Variants in P2RX7 observed in about 807,000 individuals in gnomAD.
P2RX7 encodes the protein P2X purinoceptor 7.
A neutral mutation model predicts 71.6 loss-of-function variants in P2RX7; 62 were observed. The ratio of observed to expected loss-of-function variants is 0.87; its 90% CI spans 0.71 to 1.07. P2RX7 has a LOEUF of 1.07. Among genes scored for constraint, P2RX7 ranks in the 50% least tolerant of loss-of-function variants. The pLI, the probability that P2RX7 is intolerant of heterozygous loss-of-function variation, is 0.00. For synonymous variants in P2RX7, 299 were observed against 283.3 expected (o/e 1.06, Z -0.56); for missense variants, 686 against 748.5 (o/e 0.92, Z 0.97).
In P2RX7 at chr12:121,154,286, G is replaced by C. The variant is rs1025852122; in HGVS notation, c.126-499G>C. Among the ~76,000 whole-genome samples the C allele has an allele frequency of 7.0e-6, 1 of 142,752 alleles. No homozygotes were observed. Among genetic ancestry groups the C allele is most frequent in the African/African-American group, 2.7e-5 (1 of 37,538 alleles). 93.7% of individuals were successfully genotyped at this position (142,752 alleles called of 152,430 possible). ...GTCTGGGCAACAAGAGCAAAACTCT[G>C]TTTCAAAAAAAAAAAAAGAGAGAGA... On this transcript the variant is annotated intron_variant, in intron 1 of 12. Transcript: ENST00000328963. This position sits in a 1 kb window ranked among gnomAD's most constrained non-coding sequence, Gnocchi z 4.2.
chr12:121,136,731 A>G (rs1265797214), intron 1 of P2RX7, among the ~76,000 whole-genome samples: 1 of 138,004 alleles, frequency 7.2e-6, no homozygotes, highest in Non-Finnish European at 1.5e-5. Context: ...ACTGCAACCT[A>G]TACCTCCCAG....
rs1204226842 is a variant in P2RX7 at position 121,187,779 on chromosome 12, G to A, written c.*2977G>A. 1 of 152,158 alleles carries A rather than the reference G, an allele frequency of 6.6e-6. No individual in the cohort carries two copies. The highest frequency in any genetic ancestry group is 1.5e-5 in the Non-Finnish European group (1 of 68,028). The allele number at this position is 152,158 out of a possible 1,614,324, so 9.4% of individuals were successfully genotyped here. A position where few individuals can be genotyped will look rare whatever the true frequency, so the allele number is the denominator to read the frequency against. ...CACCGCCAAAGGTGATGAGAGTCACGTTTTGTAGGATCTGTTTTCTTATAC... is the reference window on the plus strand; with the variant it reads ...CACCGCCAAAGGTGATGAGAGTCACATTTTGTAGGATCTGTTTTCTTATAC... On this transcript the variant is annotated 3_prime_UTR_variant, in exon 13 of 13. Coordinates refer to ENST00000328963, the MANE Select transcript of P2RX7 (RefSeq NM_002562.6).
chr12:121,164,791 T>A (rs1486945540), intron 5 of P2RX7, among the ~76,000 whole-genome samples: 1 of 150,670 alleles, frequency 6.6e-6, no homozygotes, highest in Admixed American at 6.6e-5. Context: ...CAGAAAAAAA[T>A]AAAAATAAAA....
intron 4 of P2RX7, among the ~76,000 whole-genome samples, chr12:121,161,804 A>AC (rs1483655340): frequency 6.6e-6 from 1 of 150,982 alleles, no homozygotes; most frequent in African/African-American, 2.4e-5. Context: ...AAAAAAAAAA[A>AC]GGCACAGGGC....
intron 1 of P2RX7, among the ~76,000 whole-genome samples, chr12:121,148,141 T>C (rs549192393): frequency 6.6e-6 from 1 of 152,240 alleles, no homozygotes; most frequent in Admixed American, 6.5e-5. Context: ...AAGAGATATC[T>C]AGAAGACACT....
At chr12:121,142,648 A>G (rs1374239310) in intron 1 of P2RX7, among the ~76,000 whole-genome samples, 1 of 152,116 alleles carries the variant, frequency 6.6e-6, no homozygotes, top group Non-Finnish European at 1.5e-5. Flanking sequence ...AGCCAAGGCC[A>G]GCATCTTCAG....
chr12:121,176,039 T>C (rs1883055915), intron 9 of P2RX7, among the ~76,000 whole-genome samples: 1 of 152,162 alleles, frequency 6.6e-6, no homozygotes, highest in Non-Finnish European at 1.5e-5. Flanking sequence ...AGAAAACACC[T>C]CTTTGCCAGA....
At chr12:121,169,397 C>T (rs996441466) in intron 8 of P2RX7, among the ~76,000 whole-genome samples, 16 of 152,084 alleles carry the variant, frequency 1.1e-4, no homozygotes, top group Admixed American at 5.9e-4. Context: ...CCTTTCATAC[C>T]GACCTATTAT....
intron 11 of P2RX7, among the ~76,000 whole-genome samples, chr12:121,179,995 C>T (rs1281339112): frequency 2.0e-5 from 3 of 151,766 alleles, no homozygotes; most frequent in Non-Finnish European, 4.4e-5. Flanking sequence ...ACTAAAAATA[C>T]AAAATTAGCT....
Position 121,154,661 on chromosome 12 carries a change from C to A in P2RX7, c.126-124C>A. Reference sequence around the variant, plus strand: ...CATTATCCAGAGAGGGAAAACAAGTCACACGGAAGCAAGTCACGCAGCAGA... The same window carrying A: ...CATTATCCAGAGAGGGAAAACAAGTAACACGGAAGCAAGTCACGCAGCAGA... On this transcript the variant is annotated intron_variant, in intron 1 of 12. Coordinates refer to ENST00000328963, the MANE Select transcript of P2RX7 (RefSeq NM_002562.6). The surrounding 1 kb of genome is among the most constrained non-coding windows in gnomAD (Gnocchi z 4.2). The A allele has an allele frequency of 1.4e-6, 1 of 729,082 alleles. No individual in the cohort carries two copies. The highest frequency in any genetic ancestry group is 1.5e-5 in the South Asian group (1 of 65,396). 45.2% of individuals were successfully genotyped at this position (729,082 alleles called of 1,614,324 possible).
chr12:121,167,730 C>A, intron 8 of P2RX7, 106 bp downstream of exon 8: 1 of 1,015,756 alleles, frequency 9.8e-7, no homozygotes, highest in Non-Finnish European at 1.4e-6. Flanking sequence ...TGAAAAAAGA[C>A]TTTCTCTAAG....
At chr12:121,143,594 A>G (rs1875483821) in intron 1 of P2RX7, among the ~76,000 whole-genome samples, 1 of 151,462 alleles carries the variant, frequency 6.6e-6, no homozygotes, top group East Asian at 1.9e-4. Flanking sequence ...TCACGTCTGT[A>G]ATCCCAGAAC....
chr12:121,140,472 C>T (rs1354771201), intron 1 of P2RX7, among the ~76,000 whole-genome samples: 1 of 152,162 alleles, frequency 6.6e-6, no homozygotes, highest in Non-Finnish European at 1.5e-5. Context: ...GAGAAGGTTC[C>T]TGGAGTCACC....
intron 1 of P2RX7, among the ~76,000 whole-genome samples, chr12:121,134,044 G>A (rs1012238631): frequency 1.2e-4 from 18 of 152,010 alleles, no homozygotes; most frequent in African/African-American, 3.1e-4. Context: ...TCCTTTTTAC[G>A]GCTGAGTAGT....
intron 8 of P2RX7, among the ~76,000 whole-genome samples, chr12:121,173,042 ACAC>A (rs1374280145): frequency 6.6e-6 from 1 of 152,154 alleles, no homozygotes; most frequent in African/African-American, 2.4e-5. Context: ...AAAACAAAAC[ACAC>A]CACTTTTCCT....
chr12:121,163,356 A>ACACACG (rs57694198), intron 5 of P2RX7, among the ~76,000 whole-genome samples: 31 of 92,096 alleles, frequency 3.4e-4, no homozygotes, highest in African/African-American at 1.0e-3. Context: ...ACACACACAC[A>ACACACG]CGCACACACA....
At chr12:121,167,817 A>ATT (rs879467840) in intron 8 of P2RX7, among the ~76,000 whole-genome samples, 193 bp downstream of exon 8, 25 of 136,876 alleles carry the variant, frequency 1.8e-4, no homozygotes, top group African/African-American at 7.6e-4. Context: ...TTTTTTACTT[A>ATT]TTTTTTTTTT....
chr12:121,163,613 A>G (rs951309156), intron 5 of P2RX7, among the ~76,000 whole-genome samples: 1 of 108,906 alleles, frequency 9.2e-6, no homozygotes, highest in Non-Finnish European at 1.9e-5. Flanking sequence ...AGATAGATAG[A>G]TAGATAGATA....
At position 121,184,823 on chromosome 12, in the gene P2RX7, G is replaced by A. The variant is rs201523425; in HGVS notation, c.*21G>A. The stretch of plus-strand genomic sequence containing the variant: ...ACTGAAGCCAGGCACCGTGGCTCAC[G>A]TCTGTAATCCCAGCGCTTTGGGAGG... On this transcript the variant is annotated 3_prime_UTR_variant, in exon 13 of 13. Coordinates refer to ENST00000328963, the MANE Select transcript of P2RX7 (RefSeq NM_002562.6). 29 of 1,514,334 alleles carry A rather than the reference G, an allele frequency of 1.9e-5. No homozygotes were observed. The East Asian group carries it at 4.0e-4, about 21-fold the overall frequency. The allele number at this position is 1,514,334 out of a possible 1,614,324, so 93.8% of individuals were successfully genotyped here.
Sources: allele counts gnomAD v4.1 joint callset (sites outside exome capture counted in the v4.1 genomes callset), GRCh38; gene constraint gnomAD v4.1.1; non-coding constraint Gnocchi (gnomAD v3.1); transcripts MANE v1.5; gene names NCBI Gene and HGNC (gene_info 2026-07-23, HGNC 2026-07-21).